Variants in FAN1 observed in about 807,000 individuals in gnomAD.
FAN1 encodes the protein FANCD2 and FANCI associated nuclease 1.
In FAN1, 91 loss-of-function variants were observed where a neutral mutation model predicts 104.9. The ratio of observed to expected loss-of-function variants is 0.87; its 90% confidence interval spans 0.73 to 1.03. The LOEUF (loss-of-function observed/expected upper bound fraction) is 1.03. Among genes scored for constraint, FAN1 ranks in the 50% least tolerant of loss-of-function variants. The pLI, the probability that FAN1 is intolerant of heterozygous loss-of-function variation, is 0.00. For synonymous variants in FAN1, 478 were observed against 457.6 expected, an observed-to-expected ratio of 1.04 and a Z score of -0.57; for missense variants, 1,263 against 1,239.9, an observed-to-expected ratio of 1.02 and a Z score of -0.28.
intron 3 of FAN1, among the ~76,000 whole-genome samples, chr15:30,908,825 G>A (rs1403550187): frequency 6.6e-6 from 1 of 152,218 alleles, no homozygotes; most frequent in Non-Finnish European, 1.5e-5. Context: ...TGGGCAACCA[G>A]AGTGAAACTC....
In FAN1 at chr15:30,937,231, G is replaced by C; in HGVS notation, c.3029G>C (p.Gly1010Ala). ...EVEVCHVVAV[G>A]AKSQSLS is the part of the protein sequence containing the mutation. ...GAAGTCTGCCATGTGGTTGCAGTTG[G>C]AGCTAAGAGCCAAAGCCTTAGCTAA... is the stretch of plus-strand genomic sequence containing the variant. Residue 1010 changes from glycine (G) to alanine (A), a missense_variant, in exon 14 of 15, where the codon GGA becomes GCA. Physicochemically the swap from Gly to Ala is moderately conservative, Grantham distance 60 (BLOSUM62 0). This residue lies in a region of FAN1 where 581 missense variants were observed against 668.8 expected (regional missense o/e 0.87). Coordinates refer to ENST00000362065, the MANE Select transcript of FAN1 (RefSeq NM_014967.5). The C allele has an allele frequency of 6.2e-7, 1 of 1,613,928 alleles. No homozygotes were observed. The highest frequency in any genetic ancestry group is 8.5e-7 in the Non-Finnish European group (1 of 1,179,962).
chr15:30,916,679 A>C (rs1347269410), intron 5 of FAN1, among the ~76,000 whole-genome samples: 1 of 152,186 alleles, frequency 6.6e-6, no homozygotes, highest in Non-Finnish European at 1.5e-5. Flanking sequence ...TATCCTTTTA[A>C]AATGTTTCTT....
chr15:30,911,229 A>T (rs958233334), intron 4 of FAN1: 1 of 992,444 alleles, frequency 1.0e-6, no homozygotes, highest in African/African-American at 1.7e-5. Flanking sequence ...ACAATTTACC[A>T]AAAACTGTGA....
At chr15:30,940,002 A>G (rs2062984620) in intron 14 of FAN1, 2 of 976,842 alleles carry the variant, frequency 2.0e-6, no homozygotes, top group South Asian at 9.5e-5. Context: ...AAATAATTCA[A>G]AAAGAAACAG....
Position 30,937,143 on chromosome 15 carries a change from G to A in FAN1, c.2941G>A (p.Asp981Asn). Residue 981 changes from aspartate (D) to asparagine (N), a missense_variant, in exon 14 of 15, where the codon GAT (aspartate) becomes AAT (asparagine). By Grantham distance (23) the Asp-to-Asn change is conservative. Around this residue, in one of 2 missense-constraint regions of FAN1, gnomAD observed 581 missense variants for 668.8 expected, o/e 0.87. Transcript: ENST00000362065. ...FKLVEVKGPN[D>N]RLSHKQMIWL... ...GCTGGTGGAAGTTAAAGGCCCCAAT[G>A]ATCGTCTTTCACATAAGCAGATGAT... 6.2e-7 allele frequency: 1 copy of A among 1,613,500 alleles called. No homozygotes were observed.
chr15:30,927,061 C>T (rs2062481315), intron 10 of FAN1: 3 of 976,958 alleles, frequency 3.1e-6, no homozygotes, highest in African/African-American at 1.8e-5. Flanking sequence ...CTTGTAATCC[C>T]AGCACTTGGG....
At position 30,930,661 on chromosome 15, in the gene FAN1, G is replaced by A. The variant is rs753068609; in HGVS notation, c.2906G>A (p.Arg969His). The A allele has an allele frequency of 2.0e-5, 32 of 1,612,366 alleles. No individual in the cohort carries two copies. The East Asian group carries it at 4.7e-4, about 24-fold the overall frequency. Residue 969 changes from arginine (R) to histidine (H), a missense_variant, in exon 13 of 15, where the codon CGT becomes CAT. This residue lies in a region of FAN1 where 581 missense variants were observed against 668.8 expected (regional missense o/e 0.87). Transcript: ENST00000362065. The stretch of plus-strand genomic sequence containing the variant: ...CTGGTGGTGTGGAACTCCCAGAGCC[G>A]TCACTTTAAGGTCAGTTGAGGCAGA... ...PDLVVWNSQS[R>H]HFKLVEVKGP...
Position 30,941,961 on chromosome 15 carries a change from C to G in FAN1, c.*399C>G. The G allele has an allele frequency of 1.9e-6, 3 of 1,613,988 alleles. No homozygotes were observed. Among genetic ancestry groups the G allele is most frequent in the East Asian group, 2.2e-5 (1 of 44,886 alleles). ...TGGCTGTCGGTTTGCTGAGCTGGAT[C>G]TGGCTTTGGTTTTAATATCAATGAA... is the stretch of plus-strand genomic sequence containing the variant. On this transcript the variant is annotated 3_prime_UTR_variant, in exon 15 of 15. Coordinates refer to ENST00000362065, the MANE Select transcript of FAN1 (RefSeq NM_014967.5).
In FAN1 at chr15:30,925,929, T is replaced by C. The variant is rs759556953; in HGVS notation, c.2478T>C (p.Gly826=). The change falls in exon 10 of 15, where the codon GGT becomes GGC. Residue 826 remains glycine (G), a synonymous_variant. Coordinates refer to ENST00000362065, the MANE Select transcript of FAN1 (RefSeq NM_014967.5). The part of the protein sequence containing the change: ...ELALAHYRRS[G]FDQGIHGEGS... The stretch of plus-strand genomic sequence containing the variant: ...CACTGGCCCATTACAGACGCAGCGG[T>C]TTTGACCAGGGTAACTGAGCAGGCT... The C allele has an allele frequency of 1.1e-5, 17 of 1,613,970 alleles. No individual in the cohort carries two copies. Among genetic ancestry groups the C allele is most frequent in the Non-Finnish European group, 1.2e-5 (14 of 1,180,004 alleles).
intron 5 of FAN1, among the ~76,000 whole-genome samples, chr15:30,916,342 G>A (rs941417922): frequency 4.6e-5 from 7 of 152,044 alleles, no homozygotes; most frequent in Non-Finnish European, 1.0e-4. Flanking sequence ...ACATGTGTGG[G>A]GTGCATGGGA....
At chr15:30,906,818 G>T (rs572018033) in intron 2 of FAN1, among the ~76,000 whole-genome samples, 1 of 152,270 alleles carries the variant, frequency 6.6e-6, no homozygotes, top group Admixed American at 6.5e-5. Flanking sequence ...CTCTACTTTT[G>T]CTGTTCTCAC....
At chr15:30,924,573 C>T (rs543888456) in intron 8 of FAN1, among the ~76,000 whole-genome samples, 1 of 152,280 alleles carries the variant, frequency 6.6e-6, no homozygotes, top group South Asian at 2.1e-4. Flanking sequence ...GTTTATTTGT[C>T]TGACTCTGAA....
rs758147930 is a variant in FAN1, at chr15:30,928,080, C to T, written c.2489-473C>T. 5.0e-6 allele frequency: 5 copies of T among 1,000,606 alleles called. No homozygotes were observed. In the South Asian group the frequency reaches 1.7e-4, roughly 35 times the overall value. 62.0% of individuals were successfully genotyped at this position (1,000,606 alleles called of 1,614,324 possible). A position where few individuals can be genotyped will look rare whatever the true frequency, so the allele number is the denominator to read the frequency against. ...GAGCAGCACCTGCTGAGGCCAAGAA[C>T]GGAGGTGGCTGCTGCCGGCCTCCGG... On this transcript the variant is annotated intron_variant, in intron 10 of 14. Coordinates refer to ENST00000362065, the MANE Select transcript of FAN1 (RefSeq NM_014967.5).
At position 30,913,996 on chromosome 15, in the gene FAN1, A is replaced by G. The variant is rs1430358571; in HGVS notation, c.1716A>G (p.Ser572=). Residue 572 remains serine (S), a synonymous_variant, in exon 5 of 15, where the codon TCA becomes TCG. Transcript: ENST00000362065. Reference sequence around the variant, plus strand: ...CTTGTGGAGGTCAGGGACAGCTTTCAACAGTCCTGTTGGTCAACCTCGGCC... The same window carrying G: ...CTTGTGGAGGTCAGGGACAGCTTTCGACAGTCCTGTTGGTCAACCTCGGCC... ...DAACGGQGQL[S]TVLLVNLGRM... is the part of the protein sequence containing the mutation. 11 of 1,614,158 alleles carry G rather than the reference A, an allele frequency of 6.8e-6. No homozygotes were observed. Among genetic ancestry groups the G allele is most frequent in the Non-Finnish European group, 9.3e-6 (11 of 1,180,016 alleles).
intron 3 of FAN1, among the ~76,000 whole-genome samples, chr15:30,909,799 TCTC>T (rs1171541989): frequency 6.6e-6 from 1 of 152,180 alleles, no homozygotes; most frequent in East Asian, 1.9e-4. Context: ...ACGGCATAGT[TCTC>T]CTTTCCTTCC....
chr15:30,913,101 C>G (rs141213848), intron 4 of FAN1, among the ~76,000 whole-genome samples: 1 of 152,194 alleles, frequency 6.6e-6, no homozygotes, highest in Non-Finnish European at 1.5e-5. Flanking sequence ...CTGTTAGGAA[C>G]TGGGCCACAC....
chr15:30,926,444 A>G (rs2062465153), intron 10 of FAN1: 1 of 205,778 alleles, frequency 4.9e-6, no homozygotes, highest in African/African-American at 2.4e-5. Flanking sequence ...AAACACTGAT[A>G]TTTTCAGATG....
chr15:30,938,259 T>C (rs1402563213), intron 14 of FAN1, among the ~76,000 whole-genome samples: 1 of 152,198 alleles, frequency 6.6e-6, no homozygotes, highest in African/African-American at 2.4e-5. Context: ...ACCGAGATTC[T>C]TGAATTAAGT....
At chr15:30,940,496 T>C (rs1419974128) in intron 14 of FAN1, 2 of 985,346 alleles carry the variant, frequency 2.0e-6, no homozygotes, top group Non-Finnish European at 1.2e-6. Context: ...TCATTAGTTA[T>C]TTCCAGGGGG....
Sources: allele counts gnomAD v4.1 joint callset (sites outside exome capture counted in the v4.1 genomes callset), GRCh38; gene constraint gnomAD v4.1.1; regional missense constraint gnomAD v4.1.1; transcripts MANE v1.5; gene names NCBI Gene and HGNC (gene_info 2026-07-23, HGNC 2026-07-21).